The following RANBP3L variants were observed in gnomAD, a reference collection of about 807,000 sequenced individuals.
RANBP3L encodes RAN binding protein 3 like, also known as ran-binding protein 3-like.
RANBP3L carries 56 observed loss-of-function variants against 67.2 expected under a neutral mutation model. That is an observed-to-expected ratio of 0.83 (90% CI 0.67 to 1.04). RANBP3L has a LOEUF of 1.04. Ranked by LOEUF, RANBP3L falls within the 50% of genes least tolerant of loss-of-function variation. RANBP3L has a pLI of 0.00. For missense variants in RANBP3L, 496 were observed against 535.5 expected (o/e 0.93, Z 0.73); for synonymous variants, 164 against 181.4 (o/e 0.90, Z 0.77).
intron 1 of RANBP3L, among the ~76,000 whole-genome samples, chr5:36,294,704 C>T (rs1188098058): frequency 6.7e-6 from 1 of 150,150 alleles, no homozygotes; most frequent in African/African-American, 2.4e-5. Context: ...GTCAGAATTT[C>T]CTTCATTTTT....
At chr5:36,283,673 TTTACTC>T (rs1455622682) in intron 1 of RANBP3L, among the ~76,000 whole-genome samples, 1 of 152,240 alleles carries the variant, frequency 6.6e-6, no homozygotes, top group East Asian at 1.9e-4. Flanking sequence ...GACTTTCCTC[TTTACTC>T]TTACTCTTTC....
At chr5:36,273,731 T>A (rs540683738) in intron 1 of RANBP3L, among the ~76,000 whole-genome samples, 14 of 152,372 alleles carry the variant, frequency 9.2e-5, no homozygotes, top group African/African-American at 3.1e-4. Context: ...ATTATATTTT[T>A]AAAATGTAGC....
intron 1 of RANBP3L, among the ~76,000 whole-genome samples, chr5:36,283,321 G>GGCA (rs986887755): frequency 1.3e-5 from 2 of 150,386 alleles, no homozygotes; most frequent in African/African-American, 4.9e-5. Flanking sequence ...GCCTCCCAAA[G>GGCA]TGCCGGGATT....
At chr5:36,264,123 A>G (rs181435821) in intron 6 of RANBP3L, among the ~76,000 whole-genome samples, 31 of 152,296 alleles carry the variant, frequency 2.0e-4, no homozygotes, top group Middle Eastern at 3.4e-3. Flanking sequence ...TTGTTTAGAT[A>G]AACAAAGATA....
intron 1 of RANBP3L, 78 bp from the exon 2 acceptor site, chr5:36,271,389 CTTT>C (rs5867310): frequency 3.7e-6 from 3 of 818,056 alleles, no homozygotes; most frequent in Admixed American, 2.5e-5. Flanking sequence ...TATTTGAAGA[CTTT>C]TTTTTTTGTT....
chr5:36,278,433 A>G (rs1025920861), intron 1 of RANBP3L, among the ~76,000 whole-genome samples: 4 of 152,064 alleles, frequency 2.6e-5, no homozygotes, highest in African/African-American at 7.2e-5. Flanking sequence ...GCTACATTTT[A>G]TAAGGTTCCC....
chr5:36,257,433 T>A (rs1220128234), intron 9 of RANBP3L, 21 bp downstream of exon 9: 4 of 1,209,416 alleles, frequency 3.3e-6, no homozygotes. Context: ...TCTAATGTTT[T>A]ACAAATGAAA....
chr5:36,272,402 T>A (rs201987204), intron 1 of RANBP3L, among the ~76,000 whole-genome samples: 1 of 152,200 alleles, frequency 6.6e-6, no homozygotes, highest in Non-Finnish European at 1.5e-5. Context: ...TGAGGTAATT[T>A]GCCATCCCTG....
At chr5:36,262,451 C>T (rs1446557657) in intron 6 of RANBP3L, among the ~76,000 whole-genome samples, 1 of 152,140 alleles carries the variant, frequency 6.6e-6, no homozygotes, top group Non-Finnish European at 1.5e-5. Flanking sequence ...ATGTCACCAT[C>T]CTAGTCACCC....
intron 4 of RANBP3L, among the ~76,000 whole-genome samples, chr5:36,268,875 A>C (rs780076045): frequency 2.4e-4 from 37 of 151,570 alleles, no homozygotes; most frequent in Non-Finnish European, 4.7e-4. Flanking sequence ...TGCCCAGCTA[A>C]TTTTTTTTGT....
intron 13 of RANBP3L, 76 bp from the exon 14 acceptor site, chr5:36,249,773 A>T: frequency 1.5e-6 from 1 of 673,864 alleles, no homozygotes; most frequent in South Asian, 2.3e-5. Flanking sequence ...ATGCAACTAA[A>T]CATGAATATT....
intron 4 of RANBP3L, among the ~76,000 whole-genome samples, chr5:36,266,300 TTGG>T (rs1298669108): frequency 6.6e-6 from 1 of 152,178 alleles, no homozygotes; most frequent in African/African-American, 2.4e-5. Flanking sequence ...TACAAACATG[TTGG>T]TGGGGTAAGA....
intron 1 of RANBP3L, among the ~76,000 whole-genome samples, chr5:36,285,436 G>C (rs2112049501): frequency 6.6e-6 from 1 of 152,278 alleles, no homozygotes; most frequent in Middle Eastern, 3.4e-3. Flanking sequence ...TTCATGTGTG[G>C]AGCACACTAG....
intron 1 of RANBP3L, among the ~76,000 whole-genome samples, chr5:36,297,553 T>C (rs1044387782): frequency 1.1e-4 from 16 of 152,204 alleles, no homozygotes; most frequent in African/African-American, 3.6e-4. Context: ...AGACCATTTG[T>C]AAATTTTAAA....
At chr5:36,278,407 A>G (rs929720013) in intron 1 of RANBP3L, among the ~76,000 whole-genome samples, 3 of 152,020 alleles carry the variant, frequency 2.0e-5, no homozygotes, top group Non-Finnish European at 2.9e-5. Flanking sequence ...TCCACCCCCG[A>G]CCTACTAAGT....
In RANBP3L at chr5:36,249,644, T is replaced by G; in HGVS notation, c.*10A>C. ...CTTTTTGTAGATGTCATGTTTATAGTAGGTAGTATTCATGAACAGGCAACC... is the reference window on the plus strand; with the variant it reads ...CTTTTTGTAGATGTCATGTTTATAGGAGGTAGTATTCATGAACAGGCAACC... On this transcript the variant is annotated 3_prime_UTR_variant, in exon 14 of 14. Coordinates refer to ENST00000296604, the MANE Select transcript of RANBP3L (RefSeq NM_145000.5). 6.7e-7 allele frequency: 1 copy of G among 1,488,912 alleles called. No homozygotes were observed. The highest frequency in any genetic ancestry group is 9.2e-7 in the Non-Finnish European group (1 of 1,085,884). 92.2% of individuals were successfully genotyped at this position (1,488,912 alleles called of 1,614,324 possible). A position where few individuals can be genotyped will look rare whatever the true frequency, so the allele number is the denominator to read the frequency against.
In RANBP3L at chr5:36,301,404, G is replaced by T. The variant is rs555708030; in HGVS notation, c.13C>A (p.Pro5Thr). ...GGCAGGTGGCTGCTGCCTTTTCTTG[G>T]TATGGTAGTCATGGTCCTAGCAGTA... MTTIPRKGSSHLPGS... is the reference protein window; with the variant it reads MTTITRKGSSHLPGS... Residue 5 changes from proline (P) to threonine (T), a missense_variant, in exon 1 of 14, where the codon CCA becomes ACA. By Grantham distance (38) the Pro-to-Thr change is conservative (BLOSUM62 -1). Coordinates refer to ENST00000296604, the MANE Select transcript of RANBP3L (RefSeq NM_145000.5). 4 of 1,613,414 alleles carry T rather than the reference G, an allele frequency of 2.5e-6. No homozygotes were observed. In the African/African-American group the frequency reaches 4.0e-5, roughly 16 times the overall value.
Position 36,284,269 on chromosome 5 carries a change from T to C in RANBP3L, c.92-12958A>G, listed in dbSNP as rs540825762. Among the ~76,000 whole-genome samples the C allele has an allele frequency of 2.0e-4, 31 of 152,312 alleles. 1 individual carries two copies. In the South Asian group the frequency reaches 6.4e-3, roughly 32 times the overall value. On this transcript the variant is annotated intron_variant, in intron 1 of 13. Coordinates refer to ENST00000296604, the MANE Select transcript of RANBP3L (RefSeq NM_145000.5). ...GATCTTATTCCTATGACCTTTTGTT[T>C]GTTTATTGCCATCCACAGGGTGTGA...
intron 1 of RANBP3L, among the ~76,000 whole-genome samples, chr5:36,293,035 A>G (rs1342777954): frequency 2.7e-4 from 35 of 129,584 alleles, no homozygotes; most frequent in Middle Eastern, 3.5e-3. Flanking sequence ...ACCCATGAGC[A>G]TGGAATGTTC....
Sources: gnomAD v4.1 joint callset for allele counts (sites outside exome capture counted in the v4.1 genomes callset) on GRCh38, gnomAD v4.1.1 for gene constraint, MANE v1.5 for transcripts, NCBI Gene and HGNC (gene_info 2026-07-23, HGNC 2026-07-21) for gene names.